Variants in IFT140 observed in about 807,000 individuals in gnomAD.
IFT140 encodes the protein intraflagellar transport 140.
IFT140 carries 133 observed loss-of-function variants against 164.6 expected under a neutral mutation model. The ratio of observed to expected loss-of-function variants is 0.81; its 90% CI spans 0.70 to 0.93. The LOEUF is 0.93. IFT140 is among the 40% of genes least tolerant of loss of function. The pLI is 0.00. For missense variants in IFT140, 2,045 were observed against 1,972.3 expected (o/e 1.04, Z -0.70); for synonymous variants, 860 against 817.3 (o/e 1.05, Z -0.89).
intron 19 of IFT140, among the ~76,000 whole-genome samples, chr16:1,527,474 G>A (rs1353670656): frequency 6.6e-6 from 1 of 152,190 alleles, no homozygotes; most frequent in Non-Finnish European, 1.5e-5. Context: ...CCCCACTCTC[G>A]GGCAGTGAAT....
intron 13 of IFT140, chr16:1,576,878 C>T (rs1395508234): frequency 1.3e-5 from 2 of 152,218 alleles, no homozygotes; most frequent in Non-Finnish European, 2.9e-5. Flanking sequence ...CCACATCGTG[C>T]TCCTGTCGGC....
intron 4 of IFT140, among the ~76,000 whole-genome samples, chr16:1,593,843 C>T (rs1353682537): frequency 6.6e-6 from 1 of 152,096 alleles, no homozygotes; most frequent in African/African-American, 2.4e-5. Flanking sequence ...TCCCCGGATC[C>T]CCCTCCATCC....
intron 19 of IFT140, chr16:1,554,980 G>A (rs1363116645): frequency 6.8e-6 from 11 of 1,613,606 alleles, no homozygotes; most frequent in African/African-American, 2.7e-5. Flanking sequence ...CTGACAGCGC[G>A]CTTTCGCCGT....
At position 1,525,257 on chromosome 16, in the gene IFT140, C is replaced by T; in HGVS notation, c.2838G>A (p.Glu946=). The change falls in exon 22 of 31, where the codon GAG becomes GAA. Residue 946 remains glutamate (E), a synonymous_variant. Coordinates refer to ENST00000426508, the MANE Select transcript of IFT140 (RefSeq NM_014714.4). ...TATCCTTCATTTTATTCACGTAGAG[C>T]TCCAGGGACGGCAGGTCCTCCGACA... ...RMLSEDLPSL[E]LYVNKMKDKT... 6.2e-6 allele frequency: 10 copies of T among 1,612,750 alleles called. No individual in the cohort carries two copies. The highest frequency in any genetic ancestry group is 8.5e-6 in the Non-Finnish European group (10 of 1,179,726).
At chr16:1,563,579 G>T (rs919685791) in intron 17 of IFT140, among the ~76,000 whole-genome samples, 10 of 152,058 alleles carry the variant, frequency 6.6e-5, no homozygotes, top group Non-Finnish European at 1.3e-4. Flanking sequence ...TGGCCCATGG[G>T]CATAAACCTC....
intron 30 of IFT140, among the ~76,000 whole-genome samples, chr16:1,516,481 C>G (rs1162021424): frequency 6.6e-6 from 1 of 151,754 alleles, no homozygotes; most frequent in Non-Finnish European, 1.5e-5. Context: ...AAAAAATAGT[C>G]CACTAAGGCC....
At chr16:1,563,940 A>G in intron 17 of IFT140, 57 bp downstream of exon 17, 1 of 1,473,286 alleles carries the variant, frequency 6.8e-7, no homozygotes, top group Non-Finnish European at 9.1e-7. Flanking sequence ...GAAGATCTTA[A>G]GTCTGTCAAA....
intron 18 of IFT140, among the ~76,000 whole-genome samples, chr16:1,558,774 G>A (rs546250414): frequency 6.6e-6 from 1 of 152,348 alleles, no homozygotes; most frequent in East Asian, 1.9e-4. Flanking sequence ...CCGTTTCTCT[G>A]AGAGCACACG....
At position 1,523,572 on chromosome 16, in the gene IFT140, G is replaced by A. The variant is rs902953810; in HGVS notation, c.3399C>T (p.Phe1133=). The A allele has an allele frequency of 1.2e-6, 2 of 1,613,718 alleles. No homozygotes were observed. Among genetic ancestry groups the A allele is most frequent in the Non-Finnish European group, 1.7e-6 (2 of 1,179,994 alleles). ...PALLARCSDF[F]IEHSQYERAV... Reference sequence around the variant, plus strand: ...CCCTCTCGTACTGACTGTGCTCGATGAAGAAGTCGGAGCAGCGGGCCAGGA... The same window carrying A: ...CCCTCTCGTACTGACTGTGCTCGATAAAGAAGTCGGAGCAGCGGGCCAGGA... Residue 1133 remains phenylalanine, a synonymous_variant, in exon 26 of 31, where the codon TTC becomes TTT. Transcript: ENST00000426508.
intron 19 of IFT140, chr16:1,555,119 C>T (rs1400001983): frequency 1.1e-5 from 16 of 1,480,298 alleles, no homozygotes; most frequent in South Asian, 5.3e-5. Context: ...TTCCCCTGCT[C>T]GTGCAGAGGC....
At chr16:1,587,803 C>A in intron 8 of IFT140, 130 bp downstream of exon 8, 1 of 702,502 alleles carries the variant, frequency 1.4e-6, no homozygotes, top group Non-Finnish European at 2.4e-6. Flanking sequence ...TGAATGGGTA[C>A]GTCCAGTATG....
chr16:1,517,633 G>A (rs901212791), intron 30 of IFT140, among the ~76,000 whole-genome samples: 1 of 152,146 alleles, frequency 6.6e-6, no homozygotes, highest in Non-Finnish European at 1.5e-5. Context: ...GTGACTACAC[G>A]CTGTCTCTAA....
intron 10 of IFT140, among the ~76,000 whole-genome samples, chr16:1,585,443 T>C (rs998875266): frequency 6.6e-6 from 1 of 152,150 alleles, no homozygotes; most frequent in African/African-American, 2.4e-5. Flanking sequence ...CACTAAAAGG[T>C]ACAGATTTTT....
intron 30 of IFT140, among the ~76,000 whole-genome samples, chr16:1,511,520 C>G (rs973600624): frequency 6.6e-6 from 1 of 151,922 alleles, no homozygotes; most frequent in Non-Finnish European, 1.5e-5. Flanking sequence ...TCGAGTCTTG[C>G]GGGTGGACAT....
chr16:1,519,031 C>T (rs2040444114), intron 29 of IFT140, among the ~76,000 whole-genome samples: 1 of 152,286 alleles, frequency 6.6e-6, no homozygotes. Context: ...GGCCCTCACA[C>T]GTCGTCTCCC....
chr16:1,557,454 T>G (rs533189575), intron 19 of IFT140: 1 of 160,034 alleles, frequency 6.2e-6, no homozygotes, highest in East Asian at 1.8e-4. Context: ...TTCTTCGATT[T>G]TCTACCCTTT....
intron 19 of IFT140, chr16:1,534,460 G>T: frequency 6.2e-7 from 1 of 1,611,304 alleles, no homozygotes. Flanking sequence ...CCGAGCCCTG[G>T]GGCCAGAGCC....
At chr16:1,571,585 T>C (rs760031396) in intron 13 of IFT140, 51 bp from the exon 14 acceptor site, 5 of 1,560,642 alleles carry the variant, frequency 3.2e-6, no homozygotes, top group Non-Finnish European at 4.4e-6. Flanking sequence ...TTACTGAACA[T>C]TGTTCACAGA....
chr16:1,535,249 G>A (rs958606165), intron 19 of IFT140, among the ~76,000 whole-genome samples: 1 of 152,174 alleles, frequency 6.6e-6, no homozygotes, highest in Non-Finnish European at 1.5e-5. Context: ...AGGGGACAGG[G>A]ATGCTCAGTG....
Sources: allele counts gnomAD v4.1 joint callset (sites outside exome capture counted in the v4.1 genomes callset), GRCh38; gene constraint gnomAD v4.1.1; transcripts MANE v1.5; gene names NCBI Gene and HGNC (gene_info 2026-07-23, HGNC 2026-07-21).